Variants in RANBP2 observed in about 807,000 individuals in gnomAD.
RANBP2 encodes the protein E3 SUMO-protein ligase RanBP2.
In RANBP2, 57 loss-of-function variants were observed where a neutral mutation model predicts 303.6. The ratio of observed to expected loss-of-function variants is 0.19; its 90% confidence interval spans 0.15 to 0.23. The LOEUF (loss-of-function observed/expected upper bound fraction) is 0.23, where lower values mean the gene tolerates loss of function less well. RANBP2 is among the 10% of genes least tolerant of loss of function. RANBP2 has a pLI of 1.00. For missense variants in RANBP2, 3,138 were observed against 3,780.8 expected, an observed-to-expected ratio of 0.83 and a Z score of 4.46; for synonymous variants, 1,167 against 1,301.5, an observed-to-expected ratio of 0.90 and a Z score of 2.23.
chr2:108,897,246 CCACAGTTAGATGTTGCAAGT>C, the RANBP2 span: 2 of 1,607,648 alleles, frequency 1.2e-6, no homozygotes, highest in Non-Finnish European at 1.7e-6. Context: ...ACACCAATGG[CCACAGTTAGATGTTGCAAGT>C]CACAGTCAAT....
At chr2:108,888,765 G>C in the RANBP2 span, among the ~76,000 whole-genome samples, 2 of 151,528 alleles carry the variant, frequency 1.3e-5, no homozygotes, top group African/African-American at 2.4e-5. Flanking sequence ...TTTTCATGTT[G>C]TTGAGTCTTT....
At chr2:109,249,536 C>CT in the RANBP2 span, among the ~76,000 whole-genome samples, 10 of 74,100 alleles carry the variant, frequency 1.3e-4, no homozygotes, top group East Asian at 3.7e-4. Flanking sequence ...TCTTTCTTTC[C>CT]TTCCTTCCTT....
At chr2:109,144,261 A>G in the RANBP2 span, among the ~76,000 whole-genome samples, 11 of 152,278 alleles carry the variant, frequency 7.2e-5, no homozygotes, top group South Asian at 2.1e-4. Flanking sequence ...ATGTATATGT[A>G]TATCAAATTA....
chr2:109,438,070 C>T, the RANBP2 span, among the ~76,000 whole-genome samples: 33 of 152,336 alleles, frequency 2.2e-4, no homozygotes, highest in African/African-American at 5.5e-4. Flanking sequence ...ATAAAATATA[C>T]TATTTCTTAG....
the RANBP2 span, among the ~76,000 whole-genome samples, chr2:108,812,440 A>G: frequency 6.6e-6 from 1 of 152,224 alleles, no homozygotes. Flanking sequence ...GAAGTAAATG[A>G]TCTTACAAAC....
At chr2:109,679,929 G>A in the RANBP2 span, among the ~76,000 whole-genome samples, 58,686 of 151,738 alleles carry the variant, frequency 0.39, 12,005 homozygotes, top group Non-Finnish European at 0.46. Flanking sequence ...TCGCCAGTGT[G>A]GACCACCCTG....
the RANBP2 span, among the ~76,000 whole-genome samples, chr2:109,009,454 AG>A: frequency 2.6e-5 from 4 of 152,138 alleles, no homozygotes; most frequent in African/African-American, 7.2e-5. Context: ...AATATAAAAA[AG>A]AAATCAAAGT....
chr2:109,170,589 A>T, the RANBP2 span, among the ~76,000 whole-genome samples: 13 of 152,002 alleles, frequency 8.6e-5, no homozygotes, highest in Non-Finnish European at 1.8e-4. Context: ...CAACCTCGTG[A>T]TCCACCCGCC....
At chr2:109,666,245 A>G in the RANBP2 span, among the ~76,000 whole-genome samples, 1 of 152,184 alleles carries the variant, frequency 6.6e-6, no homozygotes, top group East Asian at 1.9e-4. Flanking sequence ...GGAGCACCTT[A>G]CATGAATTTG....
At chr2:109,143,763 A>AAAAC in the RANBP2 span, among the ~76,000 whole-genome samples, 52 of 151,120 alleles carry the variant, frequency 3.4e-4, no homozygotes, top group East Asian at 7.4e-3. Context: ...GAAACAAAAC[A>AAAAC]AAACAAACAA....
chr2:108,921,574 T>G, the RANBP2 span, among the ~76,000 whole-genome samples: 2 of 152,178 alleles, frequency 1.3e-5, no homozygotes, highest in East Asian at 3.8e-4. Flanking sequence ...CTGCCCAGAG[T>G]GGGGCTGCTG....
chr2:108,859,632 G>T, the RANBP2 span, among the ~76,000 whole-genome samples: 2 of 152,072 alleles, frequency 1.3e-5, no homozygotes, highest in African/African-American at 4.8e-5. Context: ...TTTTATTTCA[G>T]TTTCTCTATT....
chr2:109,489,843 T>C, the RANBP2 span, among the ~76,000 whole-genome samples: 1 of 152,138 alleles, frequency 6.6e-6, no homozygotes, highest in East Asian at 1.9e-4. Context: ...GTTCAAGCTA[T>C]TCTCCCACCT....
At chr2:109,567,712 T>C in the RANBP2 span, 1 of 1,172,900 alleles carries the variant, frequency 8.5e-7, no homozygotes, top group Non-Finnish European at 1.1e-6. Flanking sequence ...TTTGAAGTCT[T>C]TTTGGAAGAC....
chr2:109,242,393 G>A, the RANBP2 span, among the ~76,000 whole-genome samples: 1 of 152,282 alleles, frequency 6.6e-6, no homozygotes, highest in South Asian at 2.1e-4. Flanking sequence ...GTGCCTCGTT[G>A]CAGATGGTCA....
At chr2:108,999,549 C>T in the RANBP2 span, among the ~76,000 whole-genome samples, 12 of 152,232 alleles carry the variant, frequency 7.9e-5, no homozygotes, top group South Asian at 2.1e-4. Flanking sequence ...GGCTGCTAAA[C>T]GGACTTTTAA....
At chr2:109,452,481 C>T in the RANBP2 span, among the ~76,000 whole-genome samples, 2 of 152,232 alleles carry the variant, frequency 1.3e-5, no homozygotes, top group Non-Finnish European at 2.9e-5. Flanking sequence ...CTCAGTGCAG[C>T]GCAGTTTCCT....
the RANBP2 span, among the ~76,000 whole-genome samples, chr2:109,526,783 G>T: frequency 2.6e-5 from 4 of 152,110 alleles, no homozygotes; most frequent in Admixed American, 6.5e-5. Flanking sequence ...CTCCACCCTT[G>T]CCTGGGACCA....
chr2:109,650,373 G>T, the RANBP2 span, among the ~76,000 whole-genome samples: 2 of 152,208 alleles, frequency 1.3e-5, no homozygotes, highest in African/African-American at 4.8e-5. Context: ...GTGAAGCCAG[G>T]TGTCCAAAAG....
Sources: allele counts gnomAD v4.1 joint callset (sites outside exome capture counted in the v4.1 genomes callset), GRCh38; gene constraint gnomAD v4.1.1; transcripts MANE v1.5; gene names NCBI Gene and HGNC (gene_info 2026-07-23, HGNC 2026-07-21).